The following RBPMS variants were observed in gnomAD, a reference collection of about 807,000 sequenced individuals.
RBPMS encodes RNA-binding protein with multiple splicing.
Under a neutral mutation model 26.8 loss-of-function variants are expected in RBPMS, and 7 were observed. That is an observed-to-expected ratio of 0.26 (90% CI 0.15 to 0.49). RBPMS has a LOEUF of 0.49. RBPMS is among the 20% of genes least tolerant of loss of function. RBPMS has a pLI of 0.98. For missense variants in RBPMS, 186 were observed against 250.0 expected, an observed-to-expected ratio of 0.74 and a Z score of 1.73; for synonymous variants, 96 against 93.3, an observed-to-expected ratio of 1.03 and a Z score of -0.17.
At chr8:30,450,306 A>G (rs553769144) in intron 1 of RBPMS, among the ~76,000 whole-genome samples, 34 of 152,352 alleles carry the variant, frequency 2.2e-4, no homozygotes, top group African/African-American at 7.0e-4. Flanking sequence ...TTCATAATTA[A>G]GCAATTCAGC....
chr8:30,547,091 C>A (rs1003851806), intron 6 of RBPMS, among the ~76,000 whole-genome samples: 5 of 152,212 alleles, frequency 3.3e-5, no homozygotes, highest in South Asian at 2.1e-4. Context: ...CAGCACTTAA[C>A]CCTCACCCAA....
At chr8:30,391,549 A>G (rs1807793887) in intron 1 of RBPMS, among the ~76,000 whole-genome samples, 4 of 152,234 alleles carry the variant, frequency 2.6e-5, no homozygotes, top group Admixed American at 2.6e-4. Flanking sequence ...GCTTGAGGCC[A>G]TCTGGGACCA....
chr8:30,426,059 G>A (rs1450215251), intron 1 of RBPMS, among the ~76,000 whole-genome samples: 1 of 152,158 alleles, frequency 6.6e-6, no homozygotes, highest in African/African-American at 2.4e-5. Context: ...GTTACTTACA[G>A]TCCCTTGACT....
At chr8:30,392,231 A>G (rs761461386) in intron 1 of RBPMS, among the ~76,000 whole-genome samples, 2 of 152,154 alleles carry the variant, frequency 1.3e-5, no homozygotes, top group South Asian at 4.1e-4. Flanking sequence ...TTAAAGAGTC[A>G]GTTCTTTAAA....
chr8:30,460,941 C>T (rs1454342087), intron 1 of RBPMS, among the ~76,000 whole-genome samples: 1 of 151,578 alleles, frequency 6.6e-6, no homozygotes, highest in Non-Finnish European at 1.5e-5. Context: ...GTCCCAGCCA[C>T]TTGGGAAGCT....
intron 5 of RBPMS, among the ~76,000 whole-genome samples, chr8:30,529,701 C>T (rs1823996776): frequency 6.6e-6 from 1 of 151,224 alleles, no homozygotes; most frequent in Non-Finnish European, 1.5e-5. Flanking sequence ...TTTCCCTTAG[C>T]GTAATGTCAT....
At chr8:30,567,292 C>T (rs1000195049) in intron 8 of RBPMS, among the ~76,000 whole-genome samples, 1 of 152,214 alleles carries the variant, frequency 6.6e-6, no homozygotes, top group African/African-American at 2.4e-5. Flanking sequence ...TCAGTGCCGA[C>T]CCAGGAGCAG....
intron 1 of RBPMS, among the ~76,000 whole-genome samples, chr8:30,459,785 A>G (rs2150775085): frequency 6.6e-6 from 1 of 152,366 alleles, no homozygotes; most frequent in East Asian, 1.9e-4. Flanking sequence ...ACAGTGCCAG[A>G]TTAAATAGCT....
At chr8:30,553,982 T>G (rs1457419640) in intron 6 of RBPMS, among the ~76,000 whole-genome samples, 1 of 152,184 alleles carries the variant, frequency 6.6e-6, no homozygotes, top group Non-Finnish European at 1.5e-5. Flanking sequence ...TTCACCATAA[T>G]AGCCAGGATG....
chr8:30,510,777 C>T (rs941353463), intron 5 of RBPMS, among the ~76,000 whole-genome samples: 1 of 152,236 alleles, frequency 6.6e-6, no homozygotes, highest in Non-Finnish European at 1.5e-5. Context: ...TGGGGTTTCG[C>T]CACATTGGCC....
At chr8:30,414,797 T>G (rs1182987298) in intron 1 of RBPMS, among the ~76,000 whole-genome samples, 2 of 152,204 alleles carry the variant, frequency 1.3e-5, no homozygotes, top group Non-Finnish European at 2.9e-5. Context: ...TTCCCAGCAC[T>G]GACAGAGGTT....
In RBPMS at chr8:30,455,700, T is replaced by C. The variant is rs187225403; in HGVS notation, c.67-19079T>C. On this transcript the variant is annotated intron_variant, in intron 1 of 8. Transcript: ENST00000397323. Reference sequence around the variant, plus strand: ...GTCAGGAGATTGAGACCATCCTGGCTAACATGGTGAAACCCCAACTCTACT... The same window carrying C: ...GTCAGGAGATTGAGACCATCCTGGCCAACATGGTGAAACCCCAACTCTACT... Among the ~76,000 whole-genome samples, 39 of 152,114 alleles carry C rather than the reference T, an allele frequency of 2.6e-4. No individual in the cohort carries two copies. In the East Asian group the frequency reaches 6.8e-3, roughly 26 times the overall value.
intron 4 of RBPMS, among the ~76,000 whole-genome samples, chr8:30,481,865 G>C (rs1818317921): frequency 6.6e-6 from 1 of 152,282 alleles, no homozygotes; most frequent in Non-Finnish European, 1.5e-5. Flanking sequence ...TGTAGTTAGG[G>C]AAACAGACGT....
At chr8:30,393,711 G>A (rs1470536821) in intron 1 of RBPMS, among the ~76,000 whole-genome samples, 1 of 151,942 alleles carries the variant, frequency 6.6e-6, no homozygotes, top group Non-Finnish European at 1.5e-5. Context: ...AGAGACAGGG[G>A]TTTCACCATA....
chr8:30,411,350 T>C (rs1026407712), intron 1 of RBPMS, among the ~76,000 whole-genome samples: 19 of 152,074 alleles, frequency 1.2e-4, no homozygotes, highest in African/African-American at 4.6e-4. Context: ...GTGTGTTCCT[T>C]ACTTACTGTC....
chr8:30,545,327 C>A (rs1825784137), intron 6 of RBPMS: 3 of 1,157,960 alleles, frequency 2.6e-6, no homozygotes, highest in Non-Finnish European at 2.1e-6. Context: ...CATACTAACA[C>A]TTCCTCTCCC....
At chr8:30,486,640 A>T (rs1460736904) in intron 4 of RBPMS, among the ~76,000 whole-genome samples, 1 of 42,774 alleles carries the variant, frequency 2.3e-5, no homozygotes, top group African/African-American at 8.1e-5. Context: ...CTCAAAAAAA[A>T]ATAAAAAAAT....
chr8:30,450,989 C>G (rs1430897698), intron 1 of RBPMS, among the ~76,000 whole-genome samples: 2 of 151,884 alleles, frequency 1.3e-5, no homozygotes, highest in African/African-American at 2.4e-5. Flanking sequence ...GGTGACTAGC[C>G]AGTATCTTAA....
intron 1 of RBPMS, among the ~76,000 whole-genome samples, chr8:30,444,419 T>G (rs774262162): frequency 3.9e-5 from 6 of 152,214 alleles, no homozygotes; most frequent in Non-Finnish European, 7.3e-5. Context: ...CTCAGCACTA[T>G]AGGCTTTCAG....
Sources: allele counts gnomAD v4.1 joint callset (sites outside exome capture counted in the v4.1 genomes callset), GRCh38; gene constraint gnomAD v4.1.1; transcripts MANE v1.5; gene names NCBI Gene and HGNC (gene_info 2026-07-23, HGNC 2026-07-21).